BFSP2: variants seen among roughly 807,000 people sequenced by gnomAD.
BFSP2 encodes the protein beaded filament structural protein 2, also known as phakinin.
BFSP2 carries 38 observed loss-of-function variants against 44.9 expected under a neutral mutation model. The observed-to-expected ratio is 0.85, with a 90% CI of 0.65 to 1.11. The LOEUF (loss-of-function observed/expected upper bound fraction) is 1.11. Among genes scored for constraint, BFSP2 ranks in the 50% least tolerant of loss-of-function variants. The pLI is 0.00. For missense variants in BFSP2, 525 were observed against 533.0 expected, an observed-to-expected ratio of 0.99 and a Z score of 0.15; for synonymous variants, 197 against 209.9, an observed-to-expected ratio of 0.94 and a Z score of 0.53.
intron 1 of BFSP2, among the ~76,000 whole-genome samples, chr3:133,420,124 T>C (rs1052165409): frequency 6.6e-6 from 1 of 152,162 alleles, no homozygotes; most frequent in Admixed American, 6.5e-5. Flanking sequence ...CACATACTCA[T>C]AGGTGGAAAG....
At chr3:133,428,652 CA>C (rs1222888391) in intron 1 of BFSP2, among the ~76,000 whole-genome samples, 1 of 150,426 alleles carries the variant, frequency 6.6e-6, no homozygotes, top group East Asian at 1.9e-4. Flanking sequence ...AATATCTTGT[CA>C]GAGGAAAGTC....
At chr3:133,418,991 C>T (rs1045908709) in intron 1 of BFSP2, among the ~76,000 whole-genome samples, 1 of 152,222 alleles carries the variant, frequency 6.6e-6, no homozygotes, top group African/African-American at 2.4e-5. Context: ...TCTTCAACAA[C>T]AGAAAGGCAT....
intron 1 of BFSP2, among the ~76,000 whole-genome samples, chr3:133,433,757 C>T (rs1334364623): frequency 3.3e-5 from 5 of 152,078 alleles, no homozygotes; most frequent in South Asian, 4.1e-4. Context: ...GACAGACTAG[C>T]GGTCTATTAA....
chr3:133,402,615 A>G (rs2073370984), intron 1 of BFSP2, among the ~76,000 whole-genome samples: 1 of 151,486 alleles, frequency 6.6e-6, no homozygotes, highest in Non-Finnish European at 1.5e-5. Context: ...ATAGAGTAAG[A>G]CCAATTGATA....
intron 1 of BFSP2, among the ~76,000 whole-genome samples, chr3:133,442,316 T>C (rs2073853452): frequency 6.6e-6 from 1 of 152,220 alleles, no homozygotes; most frequent in South Asian, 2.1e-4. Context: ...ATTCTGTTTT[T>C]TTGTTTTGTT....
chr3:133,451,451 G>C (rs943393038), intron 4 of BFSP2, among the ~76,000 whole-genome samples: 1 of 152,224 alleles, frequency 6.6e-6, no homozygotes. Flanking sequence ...TAACTCCTCA[G>C]CGCTGCCACT....
chr3:133,446,589 T>C (rs1302487927), intron 1 of BFSP2, among the ~76,000 whole-genome samples: 1 of 14,864 alleles, frequency 6.7e-5, no homozygotes, highest in Non-Finnish European at 1.4e-4. Context: ...TATATATATA[T>C]ATATATATAT....
chr3:133,418,664 G>C (rs2073566677), intron 1 of BFSP2, among the ~76,000 whole-genome samples: 1 of 152,146 alleles, frequency 6.6e-6, no homozygotes, highest in Admixed American at 6.5e-5. Flanking sequence ...CTTCTGTGAG[G>C]CATGTCCCTG....
At chr3:133,462,004 G>A (rs979620472) in intron 4 of BFSP2, among the ~76,000 whole-genome samples, 3 of 152,184 alleles carry the variant, frequency 2.0e-5, no homozygotes, top group East Asian at 1.9e-4. Context: ...TCTACCCACT[G>A]CAAGGGATAC....
Position 133,400,381 on chromosome 3 carries a change from G to A in BFSP2, c.298G>A (p.Gly100Ser). 1.2e-6 allele frequency: 2 copies of A among 1,614,098 alleles called. No homozygotes were observed. The highest frequency in any genetic ancestry group is 1.7e-6 in the Non-Finnish European group (2 of 1,180,042). ...SSGLATVPAP[G>S]LERDHGAVED... ...AGGCCTGGCCACCGTGCCGGCTCCA[G>A]GTTTGGAGAGGGACCATGGTGCTGT... is the stretch of plus-strand genomic sequence containing the variant. The change falls in exon 1 of 7, where the codon GGT becomes AGT. Residue 100 changes from glycine to serine, a missense_variant. By Grantham distance (56) the Gly-to-Ser change is moderately conservative. Transcript: ENST00000302334. This position sits in a 1 kb window ranked among gnomAD's most constrained non-coding sequence, Gnocchi z 4.0.
intron 5 of BFSP2, among the ~76,000 whole-genome samples, chr3:133,471,860 C>T (rs2074164829): frequency 6.6e-6 from 1 of 152,114 alleles, no homozygotes; most frequent in African/African-American, 2.4e-5. Flanking sequence ...GGAAAGAAAG[C>T]TGGAGGAGAT....
chr3:133,442,939 C>T (rs2073859161), intron 1 of BFSP2, among the ~76,000 whole-genome samples: 1 of 151,818 alleles, frequency 6.6e-6, no homozygotes, highest in Non-Finnish European at 1.5e-5. Flanking sequence ...CTCACTGCTA[C>T]CTCTGCCTCC....
intron 1 of BFSP2, among the ~76,000 whole-genome samples, chr3:133,414,188 A>C (rs1433830761): frequency 2.0e-5 from 1 of 50,742 alleles, no homozygotes; most frequent in Admixed American, 2.4e-4. Flanking sequence ...TCTCTCCCCT[A>C]CTCATCCCTC....
chr3:133,452,954 T>C (rs1225352053), intron 4 of BFSP2, among the ~76,000 whole-genome samples: 1 of 152,200 alleles, frequency 6.6e-6, no homozygotes, highest in Non-Finnish European at 1.5e-5. Flanking sequence ...TGGAGAATCA[T>C]CACTAGCCCA....
At chr3:133,458,115 G>A (rs1174821535) in intron 4 of BFSP2, among the ~76,000 whole-genome samples, 1 of 152,176 alleles carries the variant, frequency 6.6e-6, no homozygotes, top group Non-Finnish European at 1.5e-5. Flanking sequence ...AGAAATATTT[G>A]AGAGTGTCCA....
chr3:133,401,584 C>A (rs2073363056), intron 1 of BFSP2, among the ~76,000 whole-genome samples: 1 of 152,116 alleles, frequency 6.6e-6, no homozygotes. Context: ...GCCTGTAGTT[C>A]TAATGCTGGG....
At chr3:133,437,180 C>T (rs2073795385) in intron 1 of BFSP2, among the ~76,000 whole-genome samples, 1 of 152,138 alleles carries the variant, frequency 6.6e-6, no homozygotes, top group African/African-American at 2.4e-5. Flanking sequence ...GGAATTGCCA[C>T]ACTGTCTTCC....
chr3:133,472,901 G>T (rs952147534), intron 6 of BFSP2, among the ~76,000 whole-genome samples: 2 of 151,564 alleles, frequency 1.3e-5, no homozygotes, highest in African/African-American at 2.4e-5. Flanking sequence ...AATTAATGAG[G>T]CTATAAACCA....
intron 1 of BFSP2, among the ~76,000 whole-genome samples, chr3:133,431,500 G>A (rs1273257476): frequency 6.6e-6 from 1 of 152,078 alleles, no homozygotes; most frequent in Admixed American, 6.6e-5. Flanking sequence ...ACTGGAAATC[G>A]GACTGTTCAA....
Sources: allele counts gnomAD v4.1 joint callset (sites outside exome capture counted in the v4.1 genomes callset), GRCh38; gene constraint gnomAD v4.1.1; non-coding constraint Gnocchi (gnomAD v3.1); transcripts MANE v1.5; gene names NCBI Gene and HGNC (gene_info 2026-07-23, HGNC 2026-07-21).